Variants in RAP1B observed in about 807,000 individuals in gnomAD.
The protein encoded by RAP1B is RAP1B, member of RAS oncogene family, also known as ras-related protein Rap-1b.
In RAP1B, 1 loss-of-function variant was observed where a neutral mutation model predicts 27.5. The observed-to-expected ratio is 0.04, with a 90% CI of 0.01 to 0.17. The LOEUF is 0.17. Ranked by LOEUF, RAP1B falls within the 10% of genes least tolerant of loss-of-function variation. The pLI, the probability that RAP1B is intolerant of heterozygous loss-of-function variation, is 1.00. For synonymous variants in RAP1B, 75 were observed against 73.1 expected, an observed-to-expected ratio of 1.03 and a Z score of -0.13; for missense variants, 84 against 214.8, an observed-to-expected ratio of 0.39 and a Z score of 3.81.
At chr12:68,612,230 G>A (rs1162905260) in intron 1 of RAP1B, among the ~76,000 whole-genome samples, 2 of 152,168 alleles carry the variant, frequency 1.3e-5, no homozygotes, top group Non-Finnish European at 2.9e-5. Flanking sequence ...TTAAAGCTCT[G>A]ACTTGTAAAT....
intron 1 of RAP1B, among the ~76,000 whole-genome samples, chr12:68,639,101 A>G (rs1189012069): frequency 6.6e-6 from 1 of 152,214 alleles, no homozygotes; most frequent in Non-Finnish European, 1.5e-5. Flanking sequence ...CAGGGTTCAG[A>G]GCTCTTATCT....
intron 1 of RAP1B, among the ~76,000 whole-genome samples, chr12:68,638,222 A>G (rs943871108): frequency 3.9e-5 from 6 of 151,946 alleles, no homozygotes; most frequent in Admixed American, 1.3e-4. Flanking sequence ...TTCTTTTTAT[A>G]TTTTACTTCC....
At chr12:68,651,156 T>A (rs531522838) in intron 3 of RAP1B, among the ~76,000 whole-genome samples, 1 of 152,216 alleles carries the variant, frequency 6.6e-6, no homozygotes, top group Non-Finnish European at 1.5e-5. Flanking sequence ...TCAAAAACTT[T>A]TGGATTTGGA....
At position 68,671,616 on chromosome 12, in the gene RAP1B, G is replaced by A. The variant is rs1875097084; in HGVS notation, c.*12367G>A. ...AAGGAGATGAAGAAAGCAACTGAAG[G>A]ATATTTACCAAGTTGTTAATATGCA... On this transcript the variant is annotated 3_prime_UTR_variant, in exon 8 of 8. Transcript: ENST00000250559. 1 of 152,132 alleles carries A rather than the reference G, an allele frequency of 6.6e-6. No homozygotes were observed. Among genetic ancestry groups the A allele is most frequent in the Admixed American group, 6.6e-5 (1 of 15,266 alleles). The allele number at this position is 152,132 out of a possible 1,614,324, so 9.4% of individuals were successfully genotyped here.
Position 68,610,942 on chromosome 12 carries a change from G to T in RAP1B, c.-128G>T. 3.2e-6 allele frequency: 1 copy of T among 310,734 alleles called. No homozygotes were observed. The highest frequency in any genetic ancestry group is 5.9e-6 in the Non-Finnish European group (1 of 168,618). 19.2% of individuals were successfully genotyped at this position (310,734 alleles called of 1,614,324 possible). On this transcript the variant is annotated 5_prime_UTR_variant, in exon 1 of 8. Coordinates refer to ENST00000250559, the MANE Select transcript of RAP1B (RefSeq NM_001010942.3). ...CCAGATTCAGGCGTGTAAACCAGCC[G>T]GAGCGGCGCGGCAGCGGCAGGACCG...
chr12:68,628,980 CT>C (rs919252343), intron 1 of RAP1B, among the ~76,000 whole-genome samples: 2 of 151,784 alleles, frequency 1.3e-5, no homozygotes, highest in African/African-American at 4.8e-5. Flanking sequence ...ATCACAAATC[CT>C]TTATCTCTTT....
At chr12:68,652,135 AG>A in intron 4 of RAP1B, 84 bp downstream of exon 4, 1 of 1,073,092 alleles carries the variant, frequency 9.3e-7, no homozygotes, top group South Asian at 1.6e-5. Context: ...GACAAATATT[AG>A]TTAAGCTTAT....
At chr12:68,640,797 T>G (rs1160792641) in intron 1 of RAP1B, among the ~76,000 whole-genome samples, 1 of 152,158 alleles carries the variant, frequency 6.6e-6, no homozygotes, top group African/African-American at 2.4e-5. Flanking sequence ...GTTATTTGCA[T>G]TTTGATGTGT....
chr12:68,612,624 T>C (rs2135903618), intron 1 of RAP1B, among the ~76,000 whole-genome samples: 1 of 152,346 alleles, frequency 6.6e-6, no homozygotes, highest in African/African-American at 2.4e-5. Flanking sequence ...ATTCTTCCCA[T>C]ATCGCACTTT....
chr12:68,630,763 A>T (rs1335430710), intron 1 of RAP1B, among the ~76,000 whole-genome samples: 1 of 151,696 alleles, frequency 6.6e-6, no homozygotes, highest in African/African-American at 2.4e-5. Context: ...CTGCAACCTC[A>T]ACCTCCCCAG....
chr12:68,665,542 A>G lies in RAP1B; in HGVS notation c.*6293A>G, dbSNP rs922595464. On this transcript the variant is annotated 3_prime_UTR_variant, in exon 8 of 8. Transcript: ENST00000250559. ...TACAAAGGATTGCTATTACAAAGAC[A>G]TGGGCAGAGAACAAGGCAAATAGCT... The G allele has an allele frequency of 2.0e-5, 3 of 152,250 alleles. No individual in the cohort carries two copies. Among genetic ancestry groups the G allele is most frequent in the Admixed American group, 2.0e-4 (3 of 15,288 alleles). The allele number at this position is 152,250 out of a possible 1,614,324, so 9.4% of individuals were successfully genotyped here.
Position 68,657,088 on chromosome 12 carries a change from A to G in RAP1B, c.469-13A>G. 6.2e-7 allele frequency: 1 copy of G among 1,606,880 alleles called. No individual in the cohort carries two copies. Among genetic ancestry groups the G allele is most frequent in the Non-Finnish European group, 8.5e-7 (1 of 1,174,694 alleles). On this transcript the variant is annotated splice_polypyrimidine_tract_variant and intron_variant, in intron 6 of 7. Transcript: ENST00000250559. ...TTCCTCCTGTAAATTAAAACAAATT[A>G]TTGTATTTGCAGATCTTTTATGACC...
chr12:68,615,025 T>C (rs921183022), intron 1 of RAP1B, among the ~76,000 whole-genome samples: 4 of 152,232 alleles, frequency 2.6e-5, no homozygotes, highest in Non-Finnish European at 5.9e-5. Flanking sequence ...GTGGAGAGTT[T>C]CTATTTTAAA....
chr12:68,628,407 C>T (rs1349512854), intron 1 of RAP1B, among the ~76,000 whole-genome samples: 3 of 152,338 alleles, frequency 2.0e-5, no homozygotes. Context: ...TAGCTTCCAA[C>T]TTCATTCTCT....
At chr12:68,626,844 AAG>A in intron 1 of RAP1B, 3 of 1,561,514 alleles carry the variant, frequency 1.9e-6, no homozygotes, top group Non-Finnish European at 2.6e-6. Flanking sequence ...GGTGAGTATT[AAG>A]AGGGGGCAGC....
rs556232381 is a variant in RAP1B, at chr12:68,639,756, C to T, written c.-26-8943C>T. Among the ~76,000 whole-genome samples the T allele has an allele frequency of 2.0e-5, 3 of 152,288 alleles. No homozygotes were observed. In the East Asian group the frequency reaches 5.8e-4, roughly 29 times the overall value. On this transcript the variant is annotated intron_variant, in intron 1 of 7. Transcript: ENST00000250559. The stretch of plus-strand genomic sequence containing the variant: ...CTTCTCCAGAAATCCCATTTATGCC[C>T]CTTTTTGCAGAGGAAGGGGCTGGAT...
chr12:68,636,459 C>A (rs1872638286), intron 1 of RAP1B, among the ~76,000 whole-genome samples: 1 of 152,162 alleles, frequency 6.6e-6, no homozygotes. Context: ...GAAACAAGTT[C>A]TTGCGTCACC....
intron 1 of RAP1B, among the ~76,000 whole-genome samples, chr12:68,634,143 A>G (rs1459227689): frequency 6.6e-6 from 1 of 152,210 alleles, no homozygotes; most frequent in Non-Finnish European, 1.5e-5. Context: ...GAAGTCCTTT[A>G]GGTGTCTTAA....
chr12:68,611,779 T>TA (rs1434318521), intron 1 of RAP1B, among the ~76,000 whole-genome samples: 3 of 152,168 alleles, frequency 2.0e-5, no homozygotes, highest in Non-Finnish European at 4.4e-5. Context: ...CTCTTTCTCT[T>TA]AGAGGGAGAG....
Sources: gnomAD v4.1 joint callset for allele counts (sites outside exome capture counted in the v4.1 genomes callset) on GRCh38, gnomAD v4.1.1 for gene constraint, MANE v1.5 for transcripts, NCBI Gene and HGNC (gene_info 2026-07-23, HGNC 2026-07-21) for gene names.